The following FOXP2 variants were observed in gnomAD, a reference collection of about 807,000 sequenced individuals.
The protein encoded by FOXP2 is forkhead box P2.
Under a neutral mutation model 115.8 loss-of-function variants are expected in FOXP2, and 12 were observed. That is an observed-to-expected ratio of 0.10 (90% confidence interval 0.07 to 0.17). The LOEUF (loss-of-function observed/expected upper bound fraction) is 0.17, where lower values mean the gene tolerates loss of function less well. Among genes scored for constraint, FOXP2 ranks in the 10% least tolerant of loss-of-function variants. The pLI is 1.00. For synonymous variants in FOXP2, 328 were observed against 297.7 expected (o/e 1.10, Z -1.05); for missense variants, 629 against 843.5 (o/e 0.75, Z 3.15).
At chr7:114,294,085 G>T (rs1035114652) in intron 2 of FOXP2, among the ~76,000 whole-genome samples, 1 of 152,120 alleles carries the variant, frequency 6.6e-6, no homozygotes, top group Non-Finnish European at 1.5e-5. Context: ...AGAAGAGATA[G>T]GTATGTATAT....
At chr7:114,233,703 A>G (rs1794942911) in intron 1 of FOXP2, among the ~76,000 whole-genome samples, 1 of 152,250 alleles carries the variant, frequency 6.6e-6, no homozygotes, top group Admixed American at 6.5e-5. Context: ...GGCAAACTGT[A>G]GTAATATGAT....
intron 1 of FOXP2, among the ~76,000 whole-genome samples, chr7:114,143,311 A>T (rs1792277307): frequency 6.6e-6 from 1 of 152,138 alleles, no homozygotes; most frequent in East Asian, 1.9e-4. Flanking sequence ...GGCCTAATTT[A>T]TCACAGTCAT....
intron 13 of FOXP2, among the ~76,000 whole-genome samples, chr7:114,661,006 T>A (rs1332200840): frequency 6.6e-6 from 1 of 151,090 alleles, no homozygotes; most frequent in Non-Finnish European, 1.5e-5. Flanking sequence ...GGCATTAAGA[T>A]CAATCAAATC....
At chr7:114,244,908 C>CCCG (rs1795241595) in intron 1 of FOXP2, among the ~76,000 whole-genome samples, 1 of 151,748 alleles carries the variant, frequency 6.6e-6, no homozygotes. Flanking sequence ...ACTACAGGCG[C>CCCG]CCACCATCAC....
At chr7:114,101,323 G>A (rs1255600540) in intron 1 of FOXP2, among the ~76,000 whole-genome samples, 1 of 152,132 alleles carries the variant, frequency 6.6e-6, no homozygotes, top group Non-Finnish European at 1.5e-5. Context: ...GCAGAAACAG[G>A]AGAGACCCAT....
At chr7:114,373,478 C>T (rs558643599) in intron 2 of FOXP2, among the ~76,000 whole-genome samples, 1 of 152,292 alleles carries the variant, frequency 6.6e-6, no homozygotes, top group South Asian at 2.1e-4. Flanking sequence ...AAAAACAACT[C>T]CAAAGGGAAT....
chr7:114,598,533 T>C (rs1335082475), intron 3 of FOXP2, among the ~76,000 whole-genome samples: 2 of 152,110 alleles, frequency 1.3e-5, no homozygotes, highest in Non-Finnish European at 2.9e-5. Context: ...TTCTATGTTA[T>C]TTAGATTCAC....
intron 3 of FOXP2, among the ~76,000 whole-genome samples, chr7:114,592,415 T>A (rs1246796952): frequency 6.6e-6 from 1 of 151,912 alleles, no homozygotes; most frequent in Non-Finnish European, 1.5e-5. Flanking sequence ...GAGCATATAT[T>A]TTTTTTATTT....
intron 1 of FOXP2, among the ~76,000 whole-genome samples, chr7:114,182,432 C>A (rs1431871652): frequency 1.3e-5 from 2 of 152,004 alleles, no homozygotes; most frequent in Non-Finnish European, 2.9e-5. Context: ...ATGTAATATT[C>A]TAACATTTAA....
chr7:114,663,563 T>G (rs747941962), intron 15 of FOXP2, 44 bp downstream of exon 15: 2 of 49,552 alleles, frequency 4.0e-5, no homozygotes, highest in East Asian at 2.5e-4. Flanking sequence ...TGTTTAGGGC[T>G]TTTTTTTTTT....
chr7:114,088,834 A>G (rs1224269110), intron 1 of FOXP2, among the ~76,000 whole-genome samples: 1 of 152,218 alleles, frequency 6.6e-6, no homozygotes, highest in African/African-American at 2.4e-5. Context: ...TTAATTTACA[A>G]TTTTGATTTA....
chr7:114,674,492 A>G (rs1807656709), intron 16 of FOXP2, among the ~76,000 whole-genome samples: 1 of 152,238 alleles, frequency 6.6e-6, no homozygotes, highest in Non-Finnish European at 1.5e-5. Flanking sequence ...GTACTGTCCT[A>G]CTGGCAGCTA....
intron 1 of FOXP2, among the ~76,000 whole-genome samples, chr7:114,107,202 A>G (rs1190623190): frequency 6.6e-6 from 1 of 152,000 alleles, no homozygotes. Context: ...GGAATTTAGG[A>G]AGCCAGTTTT....
In FOXP2 at chr7:114,692,911, G is replaced by A; in HGVS notation, c.*2985G>A. 2.2e-6 allele frequency: 1 copy of A among 453,946 alleles called. No homozygotes were observed. Among genetic ancestry groups the A allele is most frequent in the Non-Finnish European group, 4.4e-6 (1 of 226,654 alleles). 28.1% of individuals were successfully genotyped at this position (453,946 alleles called of 1,614,324 possible). A position where few individuals can be genotyped will look rare whatever the true frequency, so the allele number is the denominator to read the frequency against. ...TACTTTGAATTCTCTGACGTTAGAA[G>A]TCATGGTTGAGAATTGTAACAGCTG... On this transcript the variant is annotated 3_prime_UTR_variant, in exon 17 of 17. Coordinates refer to ENST00000350908, the MANE Select transcript of FOXP2 (RefSeq NM_014491.4).
chr7:114,339,613 G>A (rs1418933135), intron 2 of FOXP2, among the ~76,000 whole-genome samples: 6 of 151,044 alleles, frequency 4.0e-5, no homozygotes. Flanking sequence ...ACCCTTATGA[G>A]ATAATCAACC....
At chr7:114,496,616 T>C (rs1038063619) in intron 2 of FOXP2, among the ~76,000 whole-genome samples, 2 of 152,284 alleles carry the variant, frequency 1.3e-5, no homozygotes, top group Admixed American at 6.5e-5. Flanking sequence ...TTCAGAAGTA[T>C]AGAATTGAGT....
intron 3 of FOXP2, among the ~76,000 whole-genome samples, chr7:114,628,003 A>T (rs1043992321): frequency 1.3e-5 from 2 of 152,000 alleles, no homozygotes; most frequent in Admixed American, 1.3e-4. Flanking sequence ...TTATTACTAT[A>T]TTTATTTTCT....
chr7:114,552,295 G>C (rs1479766960), intron 3 of FOXP2, among the ~76,000 whole-genome samples: 1 of 152,134 alleles, frequency 6.6e-6, no homozygotes, highest in African/African-American at 2.4e-5. Context: ...TGCTATTTGG[G>C]AGAGGCACTG....
At chr7:114,293,642 CCTGTT>C (rs1182925331) in intron 2 of FOXP2, among the ~76,000 whole-genome samples, 1 of 152,134 alleles carries the variant, frequency 6.6e-6, no homozygotes, top group African/African-American at 2.4e-5. Context: ...GTTCCCCCAT[CCTGTT>C]CTTGTGATAG....
Sources: allele counts gnomAD v4.1 joint callset (sites outside exome capture counted in the v4.1 genomes callset), GRCh38; gene constraint gnomAD v4.1.1; transcripts MANE v1.5; gene names NCBI Gene and HGNC (gene_info 2026-07-23, HGNC 2026-07-21).